MOB3B: variants seen among roughly 807,000 people sequenced by gnomAD.
The protein encoded by MOB3B is MOB kinase activator-like 2B.
In MOB3B, 7 loss-of-function variants were observed where a neutral mutation model predicts 18.7. That is an observed-to-expected ratio of 0.37 (90% confidence interval 0.21 to 0.70). The LOEUF (loss-of-function observed/expected upper bound fraction) is 0.70. Ranked by LOEUF, MOB3B falls within the 30% of genes least tolerant of loss-of-function variation. The probability of loss-of-function intolerance (pLI) is 0.52; values close to 1 mark genes in which losing one functional copy is unlikely to be tolerated. For missense variants in MOB3B, 253 were observed against 281.3 expected, an observed-to-expected ratio of 0.90 and a Z score of 0.72; for synonymous variants, 111 against 99.9, an observed-to-expected ratio of 1.11 and a Z score of -0.66.
chr9:27,513,533 T>C (rs542376726), intron 1 of MOB3B, among the ~76,000 whole-genome samples: 1 of 152,330 alleles, frequency 6.6e-6, no homozygotes, highest in African/African-American at 2.4e-5. Flanking sequence ...CCTATCCTAG[T>C]ACCAACCTCT....
chr9:27,395,454 T>TA (rs34138321), intron 2 of MOB3B, among the ~76,000 whole-genome samples: 10,998 of 150,752 alleles, frequency 0.073, 461 homozygotes, highest in South Asian at 0.11. Flanking sequence ...ATAGATTTTT[T>TA]AAAAAAAAAA....
intron 2 of MOB3B, among the ~76,000 whole-genome samples, chr9:27,402,509 G>T (rs1821900271): frequency 6.6e-6 from 1 of 152,164 alleles, no homozygotes; most frequent in South Asian, 2.1e-4. Context: ...TTATCTCATT[G>T]CCTGGTGTAC....
intron 2 of MOB3B, among the ~76,000 whole-genome samples, chr9:27,384,360 G>A (rs1474086874): frequency 6.6e-6 from 1 of 152,088 alleles, no homozygotes; most frequent in Non-Finnish European, 1.5e-5. Context: ...CAGACCAGAA[G>A]CTGACCTCTG....
intron 2 of MOB3B, among the ~76,000 whole-genome samples, chr9:27,369,936 C>CTTTTTT (rs59186320): frequency 7.9e-6 from 1 of 125,952 alleles, no homozygotes. Context: ...TTTAATTGTC[C>CTTTTTT]TTTTTTTTTT....
chr9:27,514,201 C>T (rs1820193710), intron 1 of MOB3B, among the ~76,000 whole-genome samples: 1 of 152,084 alleles, frequency 6.6e-6, no homozygotes, highest in South Asian at 2.1e-4. Flanking sequence ...ATTGATAATT[C>T]CAAGAGGATA....
At chr9:27,469,477 G>C (rs867939374) in intron 1 of MOB3B, among the ~76,000 whole-genome samples, 2 of 152,014 alleles carry the variant, frequency 1.3e-5, no homozygotes, top group African/African-American at 4.8e-5. Context: ...AATTTTCCTC[G>C]AACTTTGATC....
At chr9:27,498,650 C>A (rs926847137) in intron 1 of MOB3B, among the ~76,000 whole-genome samples, 2 of 152,322 alleles carry the variant, frequency 1.3e-5, no homozygotes, top group East Asian at 1.9e-4. Context: ...ATGTTCTCAT[C>A]TAGGTCAACA....
intron 2 of MOB3B, among the ~76,000 whole-genome samples, chr9:27,423,560 A>C (rs1237163773): frequency 6.6e-6 from 1 of 152,166 alleles, no homozygotes; most frequent in Non-Finnish European, 1.5e-5. Flanking sequence ...AGAGGGAAAA[A>C]AAATCAATAA....
chr9:27,412,172 C>T (rs1367705568), intron 2 of MOB3B, among the ~76,000 whole-genome samples: 4 of 147,340 alleles, frequency 2.7e-5, no homozygotes, highest in Non-Finnish European at 6.0e-5. Context: ...AGAAATCTAC[C>T]CTTATGACGA....
At chr9:27,462,071 G>T (rs1317762303) in intron 1 of MOB3B, among the ~76,000 whole-genome samples, 1 of 152,110 alleles carries the variant, frequency 6.6e-6, no homozygotes, top group Non-Finnish European at 1.5e-5. Context: ...AAGACCTTTT[G>T]GTCAAACCTT....
At chr9:27,513,620 G>T (rs1485946205) in intron 1 of MOB3B, among the ~76,000 whole-genome samples, 1 of 152,130 alleles carries the variant, frequency 6.6e-6, no homozygotes, top group East Asian at 1.9e-4. Context: ...CAGGGCCTGT[G>T]AACTTGCTGT....
rs149977219 is a variant in MOB3B, at chr9:27,509,983, C to T, written c.-199+19572G>A. 1.8e-3 allele frequency among the ~76,000 whole-genome samples: 269 copies of T among 152,346 alleles called. 2 individuals carry two copies. Among genetic ancestry groups the T allele is most frequent in the African/African-American group, 6.3e-3 (261 of 41,572 alleles). ...CAGATGATCCACCCACCTCGCTCTCCTAAAGTGCTGGGATTATAGGCATGA... is the reference window on the plus strand; with the variant it reads ...CAGATGATCCACCCACCTCGCTCTCTTAAAGTGCTGGGATTATAGGCATGA... On this transcript the variant is annotated intron_variant, in intron 1 of 3. Coordinates refer to ENST00000262244, the MANE Select transcript of MOB3B (RefSeq NM_024761.5).
At chr9:27,344,273 G>A (rs1820999857) in intron 3 of MOB3B, among the ~76,000 whole-genome samples, 1 of 152,212 alleles carries the variant, frequency 6.6e-6, no homozygotes, top group Non-Finnish European at 1.5e-5. Context: ...GTTCATGTGG[G>A]TGCTTGTGTG....
rs144592408 is a variant in MOB3B at position 27,341,542 on chromosome 9, T to C, written c.622-10926A>G. Among the ~76,000 whole-genome samples the C allele has an allele frequency of 9.3e-3, 1,412 of 152,296 alleles. 20 individuals carry two copies. The highest frequency in any genetic ancestry group is 0.032 in the African/African-American group (1,332 of 41,554). ...CAAAGTGTTATTTTGATGGAGTAAATAGACATGAAACAAAACTAAAATTTT... is the reference window on the plus strand; with the variant it reads ...CAAAGTGTTATTTTGATGGAGTAAACAGACATGAAACAAAACTAAAATTTT... On this transcript the variant is annotated intron_variant, in intron 3 of 3. Coordinates refer to ENST00000262244, the MANE Select transcript of MOB3B (RefSeq NM_024761.5).
intron 2 of MOB3B, among the ~76,000 whole-genome samples, chr9:27,378,948 T>C (rs1204676354): frequency 6.6e-6 from 1 of 152,226 alleles, no homozygotes; most frequent in African/African-American, 2.4e-5. Context: ...AAGCTTGCTC[T>C]CTTTCCACTG....
chr9:27,336,710 T>C (rs1365920931), intron 3 of MOB3B, among the ~76,000 whole-genome samples: 3 of 151,950 alleles, frequency 2.0e-5, no homozygotes, highest in African/African-American at 7.2e-5. Flanking sequence ...TGGTGGCTAC[T>C]AGGGGGAGGA....
chr9:27,406,562 A>G (rs1289129607), intron 2 of MOB3B, among the ~76,000 whole-genome samples: 1 of 152,216 alleles, frequency 6.6e-6, no homozygotes, highest in Non-Finnish European at 1.5e-5. Context: ...GCAACAGAAT[A>G]GATAATCCAA....
intron 2 of MOB3B, among the ~76,000 whole-genome samples, chr9:27,408,187 G>A (rs949443190): frequency 2.6e-5 from 4 of 152,156 alleles, no homozygotes; most frequent in Non-Finnish European, 5.9e-5. Context: ...CCCCATGAAA[G>A]CTGCATGGTT....
chr9:27,391,490 T>C (rs1235430090), intron 2 of MOB3B, among the ~76,000 whole-genome samples: 2 of 152,218 alleles, frequency 1.3e-5, no homozygotes, highest in Non-Finnish European at 2.9e-5. Flanking sequence ...TTGTTGGAAG[T>C]GTGCTATTCA....
Sources: gnomAD v4.1 joint callset for allele counts (sites outside exome capture counted in the v4.1 genomes callset) on GRCh38, gnomAD v4.1.1 for gene constraint, MANE v1.5 for transcripts, NCBI Gene and HGNC (gene_info 2026-07-23, HGNC 2026-07-21) for gene names.